WDR41: variants seen among roughly 807,000 people sequenced by gnomAD.
WDR41 encodes WD repeat-containing protein 41.
A neutral mutation model predicts 69.3 loss-of-function variants in WDR41; 63 were observed. The observed-to-expected ratio is 0.91, with a 90% CI of 0.74 to 1.12. The LOEUF (loss-of-function observed/expected upper bound fraction) is 1.12. Ranked by LOEUF, WDR41 falls within the 50% of genes most tolerant of loss-of-function variation. WDR41 has a pLI of 0.00. For synonymous variants in WDR41, 185 were observed against 192.1 expected, an observed-to-expected ratio of 0.96 and a Z score of 0.31; for missense variants, 543 against 534.5, an observed-to-expected ratio of 1.02 and a Z score of -0.16.
intron 1 of WDR41, among the ~76,000 whole-genome samples, chr5:77,503,737 C>T (rs1241612244): frequency 6.6e-6 from 1 of 152,166 alleles, no homozygotes; most frequent in South Asian, 2.1e-4. Flanking sequence ...CAAAACCACT[C>T]AACTACATGG....
intron 3 of WDR41, among the ~76,000 whole-genome samples, chr5:77,464,274 CTT>C (rs71606297): frequency 5.3e-5 from 5 of 94,214 alleles, no homozygotes; most frequent in African/African-American, 1.7e-4. Context: ...TAGGAAAAAA[CTT>C]TTTTTTTTTT....
intron 6 of WDR41, 37 bp from the exon 7 acceptor site, chr5:77,451,390 T>C (rs1799622613): frequency 6.3e-7 from 1 of 1,587,942 alleles, no homozygotes; most frequent in African/African-American, 1.3e-5. Context: ...AAATTATTTT[T>C]CTCACAGATT....
intron 1 of WDR41, 97 bp from the exon 2 acceptor site, chr5:77,489,669 A>T: frequency 1.6e-6 from 1 of 618,028 alleles, no homozygotes; most frequent in South Asian, 2.6e-5. Flanking sequence ...CATGGTATAC[A>T]TCTGAGAACA....
intron 1 of WDR41, among the ~76,000 whole-genome samples, chr5:77,522,440 G>A (rs1007572473): frequency 7.9e-5 from 12 of 152,146 alleles, no homozygotes; most frequent in African/African-American, 2.9e-4. Flanking sequence ...AGGAGATTGA[G>A]ACCATCCTGG....
rs565622394 is a variant in WDR41 at position 77,460,251 on chromosome 5, C to T, written c.349-1127G>A. 3.9e-5 allele frequency among the ~76,000 whole-genome samples: 6 copies of T among 152,322 alleles called. No homozygotes were observed. In the South Asian group the frequency reaches 6.2e-4, roughly 16 times the overall value. On this transcript the variant is annotated intron_variant, in intron 4 of 12. Transcript: ENST00000296679. Reference sequence around the variant, plus strand: ...TAAAGTTGAAAAACTGTAAGTCAAACCACCCTAGGTTGGGGACCATCTATA... The same window carrying T: ...TAAAGTTGAAAAACTGTAAGTCAAATCACCCTAGGTTGGGGACCATCTATA...
chr5:77,469,925 G>A (rs1017171728), intron 2 of WDR41, among the ~76,000 whole-genome samples: 32 of 151,976 alleles, frequency 2.1e-4, no homozygotes, highest in African/African-American at 7.5e-4. Context: ...GAAATACAGA[G>A]AACGCCACAA....
At chr5:77,616,640 G>T (rs1383738215) in intron 1 of WDR41, among the ~76,000 whole-genome samples, 2 of 152,098 alleles carry the variant, frequency 1.3e-5, no homozygotes, top group South Asian at 4.1e-4. Context: ...ACTTCAAGTC[G>T]TAGTTTCTCT....
At chr5:77,557,963 A>T (rs1743439959) in intron 1 of WDR41, among the ~76,000 whole-genome samples, 1 of 152,098 alleles carries the variant, frequency 6.6e-6, no homozygotes, top group Admixed American at 6.6e-5. Flanking sequence ...TAAACAACAT[A>T]TTGTTTAGAA....
At chr5:77,495,437 G>A (rs971616664), upstream of WDR41, among the ~76,000 whole-genome samples, 3 of 151,958 alleles carry the variant, frequency 2.0e-5, no homozygotes, top group Admixed American at 6.5e-5. Flanking sequence ...AAATGAAAGT[G>A]GAGACATTAC....
At chr5:77,454,110 G>A (rs1350602468) in intron 5 of WDR41, among the ~76,000 whole-genome samples, 182 bp from the exon 6 acceptor site, 2 of 152,172 alleles carry the variant, frequency 1.3e-5, no homozygotes, top group Non-Finnish European at 2.9e-5. Flanking sequence ...TCTGGCAAGA[G>A]GAATGGTGTG....
chr5:77,599,055 C>T (rs1329711656), intron 1 of WDR41, among the ~76,000 whole-genome samples: 6 of 151,100 alleles, frequency 4.0e-5, no homozygotes, highest in Admixed American at 1.3e-4. Flanking sequence ...CAAGCTACTA[C>T]TAATATTTCT....
At chr5:77,558,601 G>T (rs189882319) in intron 1 of WDR41, among the ~76,000 whole-genome samples, 5 of 152,114 alleles carry the variant, frequency 3.3e-5, no homozygotes, top group African/African-American at 9.7e-5. Flanking sequence ...ATTTGTTTAC[G>T]CTATTAAACA....
intron 1 of WDR41, among the ~76,000 whole-genome samples, chr5:77,532,818 G>A (rs1581788404): frequency 6.6e-6 from 1 of 152,012 alleles, no homozygotes; most frequent in East Asian, 1.9e-4. Context: ...AGAAAAGCAA[G>A]GAAATGATTA....
chr5:77,575,272 A>G (rs1561228633), intron 1 of WDR41, among the ~76,000 whole-genome samples: 1 of 152,244 alleles, frequency 6.6e-6, no homozygotes, highest in African/African-American at 2.4e-5. Flanking sequence ...CTAATACCAG[A>G]GTTGATATAG....
At chr5:77,545,597 T>C (rs1743178842) in intron 1 of WDR41, 3 of 331,708 alleles carry the variant, frequency 9.0e-6, no homozygotes, top group Middle Eastern at 8.9e-4. Flanking sequence ...GACATGAAGA[T>C]GAAATCCCTG....
intron 1 of WDR41, among the ~76,000 whole-genome samples, chr5:77,559,203 C>T (rs974501366): frequency 7.2e-5 from 11 of 152,150 alleles, no homozygotes; most frequent in African/African-American, 2.7e-4. Context: ...TGTAAACACT[C>T]CCACTGTGGC....
At chr5:77,571,004 T>C (rs1396416199) in intron 1 of WDR41, among the ~76,000 whole-genome samples, 2 of 152,000 alleles carry the variant, frequency 1.3e-5, no homozygotes, top group Non-Finnish European at 2.9e-5. Context: ...AAATTGAATG[T>C]CTTAATTTAC....
In WDR41 at chr5:77,603,664, G is replaced by C. The variant is rs190097160; in HGVS notation, c.42+16815C>G. ...ATCTTTGCCTAGACCAATGTCTTGA[G>C]GTGTTTGCTCTATGTTTTCTTCCAG... On this transcript the variant is annotated intron_variant, in intron 1 of 5. Transcript: ENST00000509971. Among the ~76,000 whole-genome samples the C allele has an allele frequency of 3.9e-5, 6 of 152,244 alleles. No homozygotes were observed. In the East Asian group the frequency reaches 1.2e-3, roughly 29 times the overall value.
At chr5:77,514,131 TG>T (rs892035276) in intron 1 of WDR41, among the ~76,000 whole-genome samples, 1 of 152,210 alleles carries the variant, frequency 6.6e-6, no homozygotes, top group East Asian at 1.9e-4. Context: ...GGGAAATATA[TG>T]GGGGGGAATC....
Sources: allele counts gnomAD v4.1 joint callset (sites outside exome capture counted in the v4.1 genomes callset), GRCh38; gene constraint gnomAD v4.1.1; transcripts MANE v1.5; gene names NCBI Gene and HGNC (gene_info 2026-07-23, HGNC 2026-07-21).